The following LRRC4C variants were observed in gnomAD, a reference collection of about 807,000 sequenced individuals.
The protein encoded by LRRC4C is leucine rich repeat containing 4C.
Under a neutral mutation model 33.6 loss-of-function variants are expected in LRRC4C, and 5 were observed. That is an observed-to-expected ratio of 0.15 (90% CI 0.08 to 0.31). The LOEUF (loss-of-function observed/expected upper bound fraction) is 0.31, where lower values mean the gene tolerates loss of function less well. LRRC4C is among the 10% of genes least tolerant of loss of function. LRRC4C has a pLI of 1.00. For synonymous variants in LRRC4C, 329 were observed against 302.0 expected (o/e 1.09, Z -0.93); for missense variants, 560 against 796.7 (o/e 0.70, Z 3.58).
chr11:41,296,253 T>C (rs1950138846), intron 1 of LRRC4C, among the ~76,000 whole-genome samples: 1 of 152,178 alleles, frequency 6.6e-6, no homozygotes. Context: ...CTGGCGGTTG[T>C]TCTGAGTCCC....
intron 4 of LRRC4C, among the ~76,000 whole-genome samples, chr11:40,249,713 T>G (rs1866626467): frequency 6.6e-6 from 1 of 152,036 alleles, no homozygotes; most frequent in African/African-American, 2.4e-5. Context: ...ACATCATACT[T>G]AATACTTAAG....
rs1021834544 is a variant in LRRC4C, at chr11:40,609,378, A to C, written c.-270+38764T>G. Among the ~76,000 whole-genome samples, 28 of 152,148 alleles carry C rather than the reference A, an allele frequency of 1.8e-4. 1 individual carries two copies. Among genetic ancestry groups the C allele is most frequent in the African/African-American group, 6.7e-4 (28 of 41,576 alleles). Reference sequence around the variant, plus strand: ...AAGACTTTGAGACAAATAGAAACCTAATATACCAAAACTTATCGGATACAA... The same window carrying C: ...AAGACTTTGAGACAAATAGAAACCTCATATACCAAAACTTATCGGATACAA... On this transcript the variant is annotated intron_variant, in intron 3 of 6. Transcript: ENST00000528697.
chr11:41,116,358 A>C (rs11036244), intron 1 of LRRC4C, among the ~76,000 whole-genome samples: 8,963 of 152,220 alleles, frequency 0.059, 365 homozygotes, highest in Middle Eastern at 0.12. Context: ...CATTTAACAA[A>C]GCCCAATTAC....
At chr11:41,208,239 T>C (rs538077953) in intron 1 of LRRC4C, among the ~76,000 whole-genome samples, 3 of 152,288 alleles carry the variant, frequency 2.0e-5, no homozygotes, top group African/African-American at 7.2e-5. Context: ...TTGTGGAAGG[T>C]GGGACTTGTG....
chr11:40,709,687 G>T (rs1946363043), intron 2 of LRRC4C, among the ~76,000 whole-genome samples: 1 of 149,336 alleles, frequency 6.7e-6, no homozygotes, highest in Non-Finnish European at 1.5e-5. Context: ...TGTGTCTTGG[G>T]GTATCTTTGT....
intron 1 of LRRC4C, among the ~76,000 whole-genome samples, chr11:41,090,318 T>C (rs1346257816): frequency 6.6e-6 from 1 of 152,108 alleles, no homozygotes; most frequent in Non-Finnish European, 1.5e-5. Flanking sequence ...TCTCACAGCG[T>C]TTATTTCTTG....
At position 40,548,295 on chromosome 11, in the gene LRRC4C, C is replaced by G. The variant is rs1565494237; in HGVS notation, c.-270+99847G>C. Among the ~76,000 whole-genome samples, 3 of 152,210 alleles carry G rather than the reference C, an allele frequency of 2.0e-5. No individual in the cohort carries two copies. The East Asian group carries it at 5.8e-4, about 29-fold the overall frequency. ...ACTTTATTTAGAGAGAGTAACTTTACTGAGAAAATCAAGTTAAAGTGAAGC... is the reference window on the plus strand; with the variant it reads ...ACTTTATTTAGAGAGAGTAACTTTAGTGAGAAAATCAAGTTAAAGTGAAGC... On this transcript the variant is annotated intron_variant, in intron 3 of 6. Coordinates refer to ENST00000528697, the MANE Select transcript of LRRC4C (RefSeq NM_001258419.2).
chr11:40,414,207 G>A (rs75136734), intron 3 of LRRC4C, among the ~76,000 whole-genome samples: 2,307 of 152,072 alleles, frequency 0.015, 60 homozygotes, highest in African/African-American at 0.053. Flanking sequence ...CTTTAAAATC[G>A]TGTTGTAAAA....
chr11:41,240,473 A>G (rs1029290455), intron 1 of LRRC4C, among the ~76,000 whole-genome samples: 3 of 152,234 alleles, frequency 2.0e-5, no homozygotes, highest in Non-Finnish European at 4.4e-5. Context: ...AAGAACAACC[A>G]AGAGAAAGAG....
intron 2 of LRRC4C, among the ~76,000 whole-genome samples, chr11:40,681,776 T>C (rs1485032352): frequency 6.6e-6 from 1 of 152,124 alleles, no homozygotes; most frequent in Non-Finnish European, 1.5e-5. Context: ...TAAAAAGGAA[T>C]GAATTAACAG....
intron 2 of LRRC4C, among the ~76,000 whole-genome samples, chr11:40,909,547 T>C (rs545314439): frequency 8.5e-5 from 13 of 152,108 alleles, no homozygotes; most frequent in Non-Finnish European, 1.8e-4. Context: ...TCACAGATAA[T>C]TTCATACAGA....
At chr11:40,602,358 A>T (rs1023252774) in intron 3 of LRRC4C, among the ~76,000 whole-genome samples, 2 of 152,188 alleles carry the variant, frequency 1.3e-5, no homozygotes, top group South Asian at 4.1e-4. Flanking sequence ...GTTGGAGATG[A>T]GTATTCTATA....
intron 2 of LRRC4C, among the ~76,000 whole-genome samples, chr11:40,660,425 G>C (rs1411612901): frequency 6.6e-6 from 1 of 152,192 alleles, no homozygotes; most frequent in Non-Finnish European, 1.5e-5. Context: ...GGCTGGAAAA[G>C]CAAAACCCTA....
At chr11:40,286,314 C>G (rs947374582) in intron 4 of LRRC4C, among the ~76,000 whole-genome samples, 1 of 152,082 alleles carries the variant, frequency 6.6e-6, no homozygotes, top group Non-Finnish European at 1.5e-5. Flanking sequence ...ACTGACACCA[C>G]CAGAAGTGAA....
At chr11:40,498,036 A>T (rs1954560039) in intron 3 of LRRC4C, among the ~76,000 whole-genome samples, 1 of 152,224 alleles carries the variant, frequency 6.6e-6, no homozygotes, top group Non-Finnish European at 1.5e-5. Context: ...CTTACAAAAA[A>T]TATTACATTT....
chr11:40,179,610 G>A (rs931814272), intron 5 of LRRC4C, among the ~76,000 whole-genome samples: 1 of 152,218 alleles, frequency 6.6e-6, no homozygotes, highest in South Asian at 2.1e-4. Flanking sequence ...GAGACTGAGT[G>A]CTTCTCAAGG....
chr11:41,352,887 G>A (rs1952030448), intron 1 of LRRC4C, among the ~76,000 whole-genome samples: 2 of 152,000 alleles, frequency 1.3e-5, no homozygotes, highest in Non-Finnish European at 2.9e-5. Flanking sequence ...TAAGAGGAAA[G>A]TTTATAGTGC....
chr11:40,536,887 C>T (rs552936518), intron 3 of LRRC4C, among the ~76,000 whole-genome samples: 52 of 152,272 alleles, frequency 3.4e-4, no homozygotes, highest in African/African-American at 1.2e-3. Context: ...ATCCAGCATA[C>T]CACATATTCT....
At chr11:40,919,827 C>T (rs2136347885) in intron 2 of LRRC4C, among the ~76,000 whole-genome samples, 1 of 151,872 alleles carries the variant, frequency 6.6e-6, no homozygotes, top group Middle Eastern at 3.4e-3. Context: ...AAAATTAGGC[C>T]ATTGCAAACA....
Sources: allele counts gnomAD v4.1 joint callset (sites outside exome capture counted in the v4.1 genomes callset), GRCh38; gene constraint gnomAD v4.1.1; transcripts MANE v1.5; gene names NCBI Gene and HGNC (gene_info 2026-07-23, HGNC 2026-07-21).